EPHA6: variants seen among roughly 807,000 people sequenced by gnomAD.
EPHA6 encodes ephrin type-A receptor 6.
In EPHA6, 50 loss-of-function variants were observed where a neutral mutation model predicts 112.0. That is an observed-to-expected ratio of 0.45 (90% CI 0.36 to 0.56). The LOEUF (loss-of-function observed/expected upper bound fraction) is 0.56. Ranked by LOEUF, EPHA6 falls within the 20% of genes least tolerant of loss-of-function variation. The pLI is 0.00. For synonymous variants in EPHA6, 529 were observed against 490.7 expected (o/e 1.08, Z -1.03); for missense variants, 1,280 against 1,417.4 (o/e 0.90, Z 1.56).
At chr3:97,324,527 T>TTCTCTCTTTCTC (rs371701063) in intron 5 of EPHA6, among the ~76,000 whole-genome samples, 20 of 142,026 alleles carry the variant, frequency 1.4e-4, no homozygotes, top group African/African-American at 5.4e-4. Flanking sequence ...CTTTCTTTCT[T>TTCTCTCTTTCTC]TCTTTCTCTC....
At chr3:97,478,656 T>C (rs947050028) in intron 8 of EPHA6, among the ~76,000 whole-genome samples, 2 of 152,180 alleles carry the variant, frequency 1.3e-5, no homozygotes, top group Admixed American at 1.3e-4. Context: ...AAATATTCTA[T>C]GAAAACTGTA....
chr3:97,515,475 G>A (rs931079184), intron 10 of EPHA6, among the ~76,000 whole-genome samples: 2 of 152,196 alleles, frequency 1.3e-5, no homozygotes, highest in African/African-American at 4.8e-5. Flanking sequence ...ATTTCTAACA[G>A]GATTCTTCTG....
rs1035468110 is a variant in EPHA6 at position 97,750,845 on chromosome 3, G to A, written c.*2144G>A. On this transcript the variant is annotated 3_prime_UTR_variant, in exon 18 of 18. Coordinates refer to ENST00000389672, the MANE Select transcript of EPHA6 (RefSeq NM_001080448.3). The stretch of plus-strand genomic sequence containing the variant: ...TTCTTAAAATATACAAAAAAAGGTA[G>A]GGGGTGATGGGAAAATCATCACTTT... 6.6e-6 allele frequency among the ~76,000 whole-genome samples: 1 copy of A among 152,156 alleles called. No individual in the cohort carries two copies. The highest frequency in any genetic ancestry group is 1.5e-5 in the Non-Finnish European group (1 of 68,008).
rs922392381 is a variant in EPHA6 at position 97,759,395 on chromosome 3, G to C, written c.*10694G>C. The stretch of plus-strand genomic sequence containing the variant: ...CTCTCTCAAAAAGCTTTGATGTAAA[G>C]GGAGCAAGAGAAATAGGATAATAGC... On this transcript the variant is annotated 3_prime_UTR_variant, in exon 18 of 18. Coordinates refer to ENST00000389672, the MANE Select transcript of EPHA6 (RefSeq NM_001080448.3). 2 of 225,356 alleles carry C rather than the reference G, an allele frequency of 8.9e-6. No individual in the cohort carries two copies. The highest frequency in any genetic ancestry group is 1.8e-5 in the Non-Finnish European group (2 of 113,176). 14.0% of individuals were successfully genotyped at this position (225,356 alleles called of 1,614,324 possible). A position where few individuals can be genotyped will look rare whatever the true frequency, so the allele number is the denominator to read the frequency against.
intron 11 of EPHA6, among the ~76,000 whole-genome samples, chr3:97,539,345 G>A (rs533048518): frequency 3.3e-5 from 5 of 151,740 alleles, no homozygotes; most frequent in South Asian, 2.1e-4. Flanking sequence ...ATGGGGTTTC[G>A]CCGTGTTGGC....
chr3:96,912,626 C>T (rs932697378), intron 2 of EPHA6, among the ~76,000 whole-genome samples: 10 of 152,100 alleles, frequency 6.6e-5, no homozygotes, highest in African/African-American at 2.4e-4. Flanking sequence ...TTCACTCTGT[C>T]GTTCAGGCTG....
chr3:97,096,321 A>G (rs961879562), intron 3 of EPHA6, among the ~76,000 whole-genome samples: 6 of 151,736 alleles, frequency 4.0e-5, no homozygotes, highest in African/African-American at 7.3e-5. Flanking sequence ...ATCTATATCT[A>G]TATAGTTGAG....
chr3:97,236,260 T>C lies in EPHA6; in HGVS notation c.1271-7692T>C, dbSNP rs181460209. On this transcript the variant is annotated intron_variant, in intron 4 of 17. Transcript: ENST00000389672. ...AGTCACTGAGGTTGGAGAAACAAAG[T>C]AGGCAAATAAGAGTTATTTTAAAAG... Among the ~76,000 whole-genome samples the C allele has an allele frequency of 4.0e-4, 60 of 151,612 alleles. 1 individual carries two copies. Among genetic ancestry groups the C allele is most frequent in the Admixed American group, 9.9e-4 (15 of 15,166 alleles).
At chr3:96,824,688 A>C (rs921495397) in intron 1 of EPHA6, among the ~76,000 whole-genome samples, 3 of 152,068 alleles carry the variant, frequency 2.0e-5, no homozygotes, top group African/African-American at 7.2e-5. Flanking sequence ...TCAAAGTTAC[A>C]TGTATTCAGC....
chr3:97,427,103 A>C (rs898521516), intron 6 of EPHA6, among the ~76,000 whole-genome samples: 3 of 152,200 alleles, frequency 2.0e-5, no homozygotes, highest in Non-Finnish European at 2.9e-5. Flanking sequence ...GAGTATAATT[A>C]AATTAGTTAC....
chr3:97,417,294 T>A (rs2088203355), intron 6 of EPHA6, among the ~76,000 whole-genome samples: 1 of 152,148 alleles, frequency 6.6e-6, no homozygotes, highest in African/African-American at 2.4e-5. Context: ...ATCTGATGTA[T>A]CTTTGGCCTC....
At chr3:97,361,986 G>C (rs2084397507) in intron 5 of EPHA6, among the ~76,000 whole-genome samples, 1 of 152,110 alleles carries the variant, frequency 6.6e-6, no homozygotes, top group South Asian at 2.1e-4. Flanking sequence ...TATTCATTCA[G>C]AAAATATTTC....
At chr3:97,070,964 AT>A (rs1288598696) in intron 3 of EPHA6, among the ~76,000 whole-genome samples, 1 of 152,126 alleles carries the variant, frequency 6.6e-6, no homozygotes, top group Non-Finnish European at 1.5e-5. Context: ...TATTCATAGA[AT>A]TAACTTTTGT....
chr3:97,085,079 A>C (rs1050650872), intron 3 of EPHA6, among the ~76,000 whole-genome samples: 21 of 152,174 alleles, frequency 1.4e-4, no homozygotes, highest in African/African-American at 5.1e-4. Flanking sequence ...GATTGCTTCA[A>C]AATATTCTAC....
At chr3:97,348,786 GCATAGA>G (rs942806591) in intron 5 of EPHA6, among the ~76,000 whole-genome samples, 2 of 152,050 alleles carry the variant, frequency 1.3e-5, no homozygotes, top group African/African-American at 4.8e-5. Flanking sequence ...TAGTCTGGGA[GCATAGA>G]CAATTGGGAT....
chr3:97,508,722 C>T (rs2092304711), intron 10 of EPHA6, among the ~76,000 whole-genome samples: 1 of 152,112 alleles, frequency 6.6e-6, no homozygotes, highest in African/African-American at 2.4e-5. Flanking sequence ...TGTTAATTTT[C>T]TGTCTAATTG....
chr3:97,339,941 C>A (rs2083227627), intron 5 of EPHA6, among the ~76,000 whole-genome samples: 1 of 152,166 alleles, frequency 6.6e-6, no homozygotes, highest in Non-Finnish European at 1.5e-5. Flanking sequence ...TGTTTAAGAA[C>A]AAAACCTTTC....
intron 5 of EPHA6, among the ~76,000 whole-genome samples, chr3:97,294,856 A>G (rs2080818640): frequency 6.6e-6 from 1 of 152,168 alleles, no homozygotes; most frequent in South Asian, 2.1e-4. Flanking sequence ...TTTATGAAGG[A>G]TAACTTTGCT....
chr3:97,226,301 C>T lies in EPHA6; in HGVS notation c.1152C>T (p.Asn384=). Residue 384 remains asparagine, a synonymous_variant, in exon 4 of 18, where the codon AAC becomes AAT. Coordinates refer to ENST00000389672, the MANE Select transcript of EPHA6 (RefSeq NM_001080448.3). ...GATTCTATAAAGCTTTTGCTGGGAA[C>T]ACAAAATGTTCTAAATGTCCTCCAC... ...RPGFYKAFAG[N]TKCSKCPPHS... 6.2e-7 allele frequency: 1 copy of T among 1,612,192 alleles called. No individual in the cohort carries two copies. Among genetic ancestry groups the T allele is most frequent in the South Asian group, 1.1e-5 (1 of 90,536 alleles).
Sources: gnomAD v4.1 joint callset for allele counts (sites outside exome capture counted in the v4.1 genomes callset) on GRCh38, gnomAD v4.1.1 for gene constraint, MANE v1.5 for transcripts, NCBI Gene and HGNC (gene_info 2026-07-23, HGNC 2026-07-21) for gene names.